Variants in PDZK1 observed in about 807,000 individuals in gnomAD.
PDZK1 encodes the protein Na(+)/H(+) exchange regulatory cofactor NHE-RF3.
Under a neutral mutation model 38.1 loss-of-function variants are expected in PDZK1, and 23 were observed. That is an observed-to-expected ratio of 0.60 (90% confidence interval 0.43 to 0.85). The LOEUF is 0.85. PDZK1 is among the 40% of genes least tolerant of loss of function. PDZK1 has a pLI of 0.00. For missense variants in PDZK1, 297 were observed against 504.3 expected (o/e 0.59, Z 3.94); for synonymous variants, 98 against 186.2 (o/e 0.53, Z 3.86).
intron 5 of PDZK1, among the ~76,000 whole-genome samples, chr1:145,680,272 A>T (rs1654103650): frequency 6.6e-6 from 1 of 152,158 alleles, no homozygotes; most frequent in South Asian, 2.1e-4. Context: ...CAAAACACAA[A>T]CCAAATTAAT....
chr1:145,702,726 T>C (rs958222862), intron 1 of PDZK1, among the ~76,000 whole-genome samples: 19 of 152,088 alleles, frequency 1.2e-4, no homozygotes, highest in African/African-American at 4.3e-4. Flanking sequence ...ACCCCATCTC[T>C]ACTAAAAATA....
chr1:145,697,763 ATTTTTTTTTTTTTTTT>A (rs10564713), intron 1 of PDZK1, among the ~76,000 whole-genome samples: 1 of 44,978 alleles, frequency 2.2e-5, no homozygotes, highest in African/African-American at 9.8e-5. Flanking sequence ...TGCCCAGCTA[ATTTTTTTTTTTTTTTT>A]TTTTTTTTTT....
chr1:145,703,061 A>C (rs1324252475), intron 1 of PDZK1, among the ~76,000 whole-genome samples: 2 of 152,236 alleles, frequency 1.3e-5, no homozygotes, highest in African/African-American at 4.8e-5. Flanking sequence ...GTACGTGCTA[A>C]GTAAACATTT....
At chr1:145,677,698 C>T (rs1178127736) in intron 6 of PDZK1, among the ~76,000 whole-genome samples, 3 of 149,878 alleles carry the variant, frequency 2.0e-5, no homozygotes, top group South Asian at 2.1e-4. Flanking sequence ...CTCTAAGCTT[C>T]GGTTTCCTAA....
chr1:145,699,216 C>A (rs1655811394), intron 1 of PDZK1, among the ~76,000 whole-genome samples: 1 of 151,794 alleles, frequency 6.6e-6, no homozygotes, highest in South Asian at 2.1e-4. Context: ...CCAGCCTGGG[C>A]AACGAGTGAA....
intron 6 of PDZK1, among the ~76,000 whole-genome samples, chr1:145,677,869 T>C (rs774240767): frequency 4.6e-5 from 6 of 130,760 alleles, no homozygotes; most frequent in Non-Finnish European, 7.6e-5. Flanking sequence ...GCCCCCCAGG[T>C]TATCTGTTAA....
chr1:145,699,300 C>T (rs782632790), intron 1 of PDZK1, among the ~76,000 whole-genome samples: 1 of 152,022 alleles, frequency 6.6e-6, no homozygotes, highest in Non-Finnish European at 1.5e-5. Flanking sequence ...TGCCTGTAAT[C>T]CCAGCTACTC....
upstream of PDZK1, chr1:145,707,383 A>G (rs1797052): frequency 0.94 from 143,408 of 152,462 alleles, 67,579 homozygotes; most frequent in African/African-American, 0.96. Context: ...GTGAGCATTA[A>G]GCTTGCAACT....
intron 1 of PDZK1, among the ~76,000 whole-genome samples, chr1:145,691,129 C>T (rs181938972): frequency 1.3e-5 from 2 of 152,308 alleles, no homozygotes; most frequent in East Asian, 1.9e-4. Context: ...CTATGGCCAT[C>T]GATCTGCATG....
intron 6 of PDZK1, among the ~76,000 whole-genome samples, chr1:145,675,405 T>G (rs1653549650): frequency 7.1e-6 from 1 of 141,620 alleles, no homozygotes; most frequent in Non-Finnish European, 1.5e-5. Flanking sequence ...TCGCACTGTT[T>G]AGCAGCCTGA....
chr1:145,677,598 G>A (rs1253405585), intron 6 of PDZK1, among the ~76,000 whole-genome samples: 1 of 151,668 alleles, frequency 6.6e-6, no homozygotes, highest in Non-Finnish European at 1.5e-5. Context: ...TGGGGAGTAT[G>A]GTATAATGAA....
chr1:145,673,769 G>A lies in PDZK1; in HGVS notation c.1103C>T (p.Thr368Ile), dbSNP rs782108595. ...AGGCTTATGATCTACTTCCTCTGTA[G>A]TATCTGGTGGACTTGAGACTTCCAG... Reference protein sequence around the residue: ...TSLEVSSPPDTTEEVDHKPKL... With the variant: ...TSLEVSSPPDITEEVDHKPKL... Residue 368 changes from threonine to isoleucine, a missense_variant, in exon 7 of 9, where the codon ACT becomes ATT. By Grantham distance (89) the Thr-to-Ile change is moderately conservative. Transcript: ENST00000417171. The A allele has an allele frequency of 6.2e-7, 1 of 1,611,808 alleles. No individual in the cohort carries two copies. The highest frequency in any genetic ancestry group is 1.1e-5 in the South Asian group (1 of 90,976).
chr1:145,672,689 C>G (rs782807318), intron 8 of PDZK1, 41 bp downstream of exon 8: 1 of 1,610,514 alleles, frequency 6.2e-7, no homozygotes, highest in African/African-American at 1.3e-5. Context: ...TACCCATACT[C>G]TAGTAAATTA....
chr1:145,688,988 G>A (rs1385749217), intron 1 of PDZK1, among the ~76,000 whole-genome samples: 1 of 152,112 alleles, frequency 6.6e-6, no homozygotes, highest in Non-Finnish European at 1.5e-5. Context: ...CCTTAGAGCT[G>A]GTCCAATATG....
intron 3 of PDZK1, among the ~76,000 whole-genome samples, chr1:145,683,747 T>A (rs1343705010): frequency 6.6e-6 from 1 of 152,140 alleles, no homozygotes; most frequent in Non-Finnish European, 1.5e-5. Flanking sequence ...AGTAAGAGAT[T>A]AACAATAACT....
chr1:145,699,831 G>A (rs1174134723), intron 1 of PDZK1, among the ~76,000 whole-genome samples: 5 of 152,122 alleles, frequency 3.3e-5, no homozygotes, highest in South Asian at 2.1e-4. Flanking sequence ...TGGCTTCACC[G>A]CTTGTTAACT....
intron 1 of PDZK1, 31 bp from the exon 2 acceptor site, chr1:145,688,054 A>G (rs1275800930): frequency 6.4e-7 from 1 of 1,558,182 alleles, no homozygotes; most frequent in South Asian, 1.1e-5. Flanking sequence ...TAATAAAACC[A>G]TGGAAAAGAG....
chr1:145,700,405 A>G (rs1553704811), intron 1 of PDZK1, among the ~76,000 whole-genome samples: 1 of 152,196 alleles, frequency 6.6e-6, no homozygotes, highest in African/African-American at 2.4e-5. Flanking sequence ...GGAGTGGATA[A>G]GCTCTAACAG....
chr1:145,703,151 C>T (rs1656062693), intron 1 of PDZK1, among the ~76,000 whole-genome samples: 2 of 152,128 alleles, frequency 1.3e-5, no homozygotes, highest in Admixed American at 1.3e-4. Context: ...CCTTCCATGA[C>T]CACCACAGTC....
Sources: gnomAD v4.1 joint callset for allele counts (sites outside exome capture counted in the v4.1 genomes callset) on GRCh38, gnomAD v4.1.1 for gene constraint, MANE v1.5 for transcripts, NCBI Gene and HGNC (gene_info 2026-07-23, HGNC 2026-07-21) for gene names.